The following RANBP2 variants were observed in gnomAD, a reference collection of about 807,000 sequenced individuals.
RANBP2 encodes RAN binding protein 2.
A neutral mutation model predicts 303.6 loss-of-function variants in RANBP2; 57 were observed. That is an observed-to-expected ratio of 0.19 (90% CI 0.15 to 0.23). The LOEUF (loss-of-function observed/expected upper bound fraction) is 0.23, where lower values mean the gene tolerates loss of function less well. RANBP2 is among the 10% of genes least tolerant of loss of function. The probability of loss-of-function intolerance (pLI) is 1.00; values close to 1 mark genes in which losing one functional copy is unlikely to be tolerated. For missense variants in RANBP2, 3,138 were observed against 3,780.8 expected, an observed-to-expected ratio of 0.83 and a Z score of 4.46; for synonymous variants, 1,167 against 1,301.5, an observed-to-expected ratio of 0.90 and a Z score of 2.23.
chr2:109,567,503 G>A, the RANBP2 span, among the ~76,000 whole-genome samples: 2 of 152,182 alleles, frequency 1.3e-5, no homozygotes, highest in South Asian at 4.1e-4. Flanking sequence ...TATAAAGACA[G>A]GGTAGGAAGG....
chr2:109,678,858 A>C, the RANBP2 span, among the ~76,000 whole-genome samples: 1 of 152,164 alleles, frequency 6.6e-6, no homozygotes, highest in Admixed American at 6.5e-5. Flanking sequence ...GAGCCCTTGG[A>C]AGCTCAGCCT....
the RANBP2 span, among the ~76,000 whole-genome samples, chr2:109,367,255 T>C: frequency 1.3e-5 from 2 of 151,944 alleles, no homozygotes; most frequent in Non-Finnish European, 2.9e-5. Flanking sequence ...TGAGCCACTG[T>C]GCCCGTCTTG....
At chr2:109,028,685 A>G in the RANBP2 span, among the ~76,000 whole-genome samples, 11 of 152,280 alleles carry the variant, frequency 7.2e-5, no homozygotes, top group East Asian at 1.9e-3. Context: ...ATGCACCCAA[A>G]TGAGTAGCTT....
the RANBP2 span, among the ~76,000 whole-genome samples, chr2:109,341,285 A>G: frequency 1.3e-5 from 2 of 152,260 alleles, no homozygotes; most frequent in Non-Finnish European, 2.9e-5. Context: ...TGATAACAGT[A>G]ACAAACTTCT....
chr2:108,719,719 G>T lies in RANBP2; in HGVS notation c.72+41G>T, dbSNP rs772074862. 4.6e-5 allele frequency: 72 copies of T among 1,560,508 alleles called. No individual in the cohort carries two copies. In the Middle Eastern group the frequency reaches 9.1e-4, roughly 20 times the overall value. ...AGAGACCGACGGCCTCGACCTGGCC[G>T]GGCGGCGGCCTCGCGCTGCTCAGGC... On this transcript the variant is annotated intron_variant, in intron 1 of 28. Transcript: ENST00000283195.
the RANBP2 span, among the ~76,000 whole-genome samples, chr2:109,397,817 T>G: frequency 1.0e-3 from 159 of 152,338 alleles, 1 homozygote; most frequent in Non-Finnish European, 1.7e-3. Flanking sequence ...CGGTTGCTCA[T>G]GGACTTGAAC....
At chr2:109,585,605 T>A in the RANBP2 span, 6 of 821,120 alleles carry the variant, frequency 7.3e-6, no homozygotes, top group Non-Finnish European at 1.0e-5. Flanking sequence ...CTAAAGAGAA[T>A]CCCTGGGATC....
At chr2:108,738,971 CA>C (rs1176176663) in intron 6 of RANBP2, among the ~76,000 whole-genome samples, 2 of 151,982 alleles carry the variant, frequency 1.3e-5, no homozygotes, top group African/African-American at 2.4e-5. Flanking sequence ...TTTTCAACAG[CA>C]AAAAAGTAGT....
At chr2:109,700,910 G>A in the RANBP2 span, among the ~76,000 whole-genome samples, 1 of 151,924 alleles carries the variant, frequency 6.6e-6, no homozygotes, top group Non-Finnish European at 1.5e-5. Context: ...TGATGTGGGA[G>A]GAAAGCGGGG....
chr2:109,242,064 A>G, the RANBP2 span, among the ~76,000 whole-genome samples: 7 of 151,868 alleles, frequency 4.6e-5, no homozygotes, highest in South Asian at 4.2e-4. Context: ...TCTGGTGTAG[A>G]CGGGGGTGTC....
At chr2:109,320,745 G>A in the RANBP2 span, among the ~76,000 whole-genome samples, 3 of 152,182 alleles carry the variant, frequency 2.0e-5, no homozygotes, top group Admixed American at 6.5e-5. Context: ...ACAACGTCAG[G>A]CAGATGAACT....
the RANBP2 span, among the ~76,000 whole-genome samples, chr2:109,762,678 C>T: frequency 1.9e-5 from 2 of 103,358 alleles, no homozygotes; most frequent in Non-Finnish European, 3.8e-5. Context: ...ACATTTATTA[C>T]TTTTAAAAAA....
the RANBP2 span, among the ~76,000 whole-genome samples, chr2:109,016,167 C>T: frequency 1.3e-5 from 2 of 152,090 alleles, no homozygotes; most frequent in South Asian, 2.1e-4. Flanking sequence ...CTGCAAGCTC[C>T]GCCTCCCGGG....
the RANBP2 span, among the ~76,000 whole-genome samples, chr2:109,390,129 C>T: frequency 7.9e-5 from 12 of 152,362 alleles, no homozygotes; most frequent in African/African-American, 2.6e-4. Context: ...GGGTCCCCAC[C>T]TGCTGCCAAG....
chr2:109,581,448 CAAAA>C, the RANBP2 span, among the ~76,000 whole-genome samples: 1 of 144,272 alleles, frequency 6.9e-6, no homozygotes, highest in African/African-American at 2.6e-5. Flanking sequence ...AAAAAAAAAA[CAAAA>C]AAAATCAGTA....
At chr2:109,264,158 C>G in the RANBP2 span, among the ~76,000 whole-genome samples, 2 of 151,866 alleles carry the variant, frequency 1.3e-5, no homozygotes, top group African/African-American at 4.8e-5. Flanking sequence ...TGCCCCCCAT[C>G]CACCTCCCCA....
chr2:109,459,434 A>C, the RANBP2 span, among the ~76,000 whole-genome samples: 4 of 152,032 alleles, frequency 2.6e-5, no homozygotes, highest in African/African-American at 9.7e-5. Flanking sequence ...CCAAACCTTC[A>C]TTCCTGAAGG....
the RANBP2 span, chr2:108,907,709 G>A: frequency 1.1e-6 from 1 of 872,902 alleles, no homozygotes; most frequent in Non-Finnish European, 1.9e-6. Context: ...CTATCTTGCT[G>A]TGAACTTGTC....
In RANBP2 at chr2:108,764,672, T is replaced by A; in HGVS notation, c.4133T>A (p.Leu1378Gln). 6.2e-7 allele frequency: 1 copy of A among 1,614,046 alleles called. No homozygotes were observed. ...TAKKCVSCQN[L>Q]NPSNKELVGP... The stretch of plus-strand genomic sequence containing the variant: ...AAGAAATGTGTATCATGCCAAAATC[T>A]AAACCCAAGCAATAAAGAGCTCGTT... The change falls in exon 20 of 29, where the codon CTA becomes CAA. Residue 1378 changes from leucine to glutamine, a missense_variant. This residue lies in a region of RANBP2 where 388 missense variants were observed against 328.5 expected (regional missense o/e 1.18). Coordinates refer to ENST00000283195, the MANE Select transcript of RANBP2 (RefSeq NM_006267.5).
Sources: gnomAD v4.1 joint callset for allele counts (sites outside exome capture counted in the v4.1 genomes callset) on GRCh38, gnomAD v4.1.1 for gene constraint, gnomAD v4.1.1 regional missense constraint, MANE v1.5 for transcripts, NCBI Gene and HGNC (gene_info 2026-07-23, HGNC 2026-07-21) for gene names.